KRT2: variants seen among roughly 807,000 people sequenced by gnomAD.
KRT2 encodes the protein keratin 2.
Under a neutral mutation model 48.5 loss-of-function variants are expected in KRT2, and 37 were observed. That is an observed-to-expected ratio of 0.76 (90% confidence interval 0.59 to 1.00). The LOEUF is 1.00. Ranked by LOEUF, KRT2 falls within the 50% of genes least tolerant of loss-of-function variation. The pLI is 0.00. For missense variants in KRT2, 880 were observed against 815.2 expected (o/e 1.08, Z -0.97); for synonymous variants, 324 against 312.2 (o/e 1.04, Z -0.40).
chr12:52,645,295 G>A lies in KRT2; in HGVS notation c.1644C>T (p.Ser548=), dbSNP rs761272880. The part of the protein sequence containing the change: ...SYGSGGRQSG[S]RGGSGGGGSI... ...AACCTCCTCCTCCACTACCGCCTCT[G>A]GAGCCAGACTGTCGGCCTCCAGAGC... Residue 548 remains serine, a synonymous_variant, in exon 9 of 9, where the codon TCC becomes TCT. Transcript: ENST00000309680. The A allele has an allele frequency of 6.2e-7, 1 of 1,614,060 alleles. No homozygotes were observed. Among genetic ancestry groups the A allele is most frequent in the Admixed American group, 1.7e-5 (1 of 60,012 alleles).
rs1941192171 is a variant in KRT2 at position 52,647,886 on chromosome 12, G to T, written c.1123-31C>A. ...ATGGGGAGAAGAGGACAGTTTGCAA[G>T]GAAGTTCCAGCCTGGCTCACATTCC... On this transcript the variant is annotated intron_variant, in intron 5 of 8. Transcript: ENST00000309680. 3.1e-6 allele frequency: 5 copies of T among 1,613,882 alleles called. No homozygotes were observed. In the East Asian group the frequency reaches 1.1e-4, roughly 36 times the overall value.
At position 52,645,442 on chromosome 12, in the gene KRT2, G is replaced by C; in HGVS notation, c.1505-8C>G. On this transcript the variant is annotated splice_region_variant and splice_polypyrimidine_tract_variant and intron_variant, in intron 8 of 8. Transcript: ENST00000309680. Reference sequence around the variant, plus strand: ...TGGTGCTGCTTGTCACAGCTGCAGAGAGAGGTGGTGTTACCACAGAGATTA... The same window carrying C: ...TGGTGCTGCTTGTCACAGCTGCAGACAGAGGTGGTGTTACCACAGAGATTA... 6.2e-7 allele frequency: 1 copy of C among 1,614,180 alleles called. No individual in the cohort carries two copies. Among genetic ancestry groups the C allele is most frequent in the South Asian group, 1.1e-5 (1 of 91,074 alleles).
In KRT2 at chr12:52,651,602, G is replaced by GC. The variant is rs1941248382; in HGVS notation, c.540dup (p.Gln181AlafsTer14). On this transcript the variant is annotated frameshift_variant, in exon 1 of 9. Transcript: ENST00000309680. LOFTEE classifies it high-confidence loss of function. ...AATTTGTTGTTGAGAGTTTTGATCTGCTCACGCTCTTGGGCCTTCACATTC... is the reference window on the plus strand; with the variant it reads ...AATTTGTTGTTGAGAGTTTTGATCTGCCTCACGCTCTTGGGCCTTCACATTC... 6.2e-7 allele frequency: 1 copy of GC among 1,614,034 alleles called. No homozygotes were observed. Among genetic ancestry groups the GC allele is most frequent in the African/African-American group, 1.3e-5 (1 of 74,910 alleles).
At position 52,648,864 on chromosome 12, in the gene KRT2, C is replaced by G. The variant is rs1255249621; in HGVS notation, c.957+143G>C. 1.7e-5 allele frequency: 12 copies of G among 694,910 alleles called. No homozygotes were observed. In the Admixed American group the frequency reaches 1.8e-4, roughly 11 times the overall value. The allele number at this position is 694,910 out of a possible 1,614,324, so 43.0% of individuals were successfully genotyped here. The stretch of plus-strand genomic sequence containing the variant: ...CCCACAAGACCTATGCTATGAAAGC[C>G]CCCCCAGTGGCCTGGAATGATGGCA... On this transcript the variant is annotated intron_variant, in intron 4 of 8. Coordinates refer to ENST00000309680, the MANE Select transcript of KRT2 (RefSeq NM_000423.3).
At chr12:52,648,948 G>A (rs555506813) in intron 4 of KRT2, 59 bp downstream of exon 4, 1 of 1,082,540 alleles carries the variant, frequency 9.2e-7, no homozygotes, top group Non-Finnish European at 1.4e-6. Flanking sequence ...AAGCAGAAAG[G>A]ACTTTCATTT....
At position 52,649,083 on chromosome 12, in the gene KRT2, A is replaced by G; in HGVS notation, c.881T>C (p.Met294Thr). 6.2e-7 allele frequency: 1 copy of G among 1,612,022 alleles called. No individual in the cohort carries two copies. The highest frequency in any genetic ancestry group is 8.5e-7 in the Non-Finnish European group (1 of 1,178,238). ...TLKKDVDNAY[M>T]IKVELQSKVD... ...CTTGGACTGCAACTCCACCTTTATC[A>G]TGTAGGCATTGTCCACGTCCTGCAA... Residue 294 changes from methionine to threonine, a missense_variant, in exon 4 of 9, where the codon ATG becomes ACG. Coordinates refer to ENST00000309680, the MANE Select transcript of KRT2 (RefSeq NM_000423.3).
At chr12:52,647,981 G>T in intron 5 of KRT2, 126 bp from the exon 6 acceptor site, 1 of 1,312,492 alleles carries the variant, frequency 7.6e-7, no homozygotes, top group South Asian at 1.2e-5. Flanking sequence ...TGTCATGGCT[G>T]CATTCATGAG....
At chr12:52,650,996 G>T (rs1941240999) in intron 1 of KRT2, among the ~76,000 whole-genome samples, 1 of 152,148 alleles carries the variant, frequency 6.6e-6, no homozygotes, top group Admixed American at 6.5e-5. Flanking sequence ...GTAAATCCCT[G>T]CCTATTTCAA....
At chr12:52,650,647 G>C in intron 1 of KRT2, 94 bp from the exon 2 acceptor site, 2 of 986,580 alleles carry the variant, frequency 2.0e-6, no homozygotes, top group Non-Finnish European at 3.2e-6. Context: ...GCTGCTTCAG[G>C]ACCTCGAGAA....
chr12:52,648,483 T>C, intron 4 of KRT2, 146 bp from the exon 5 acceptor site: 2 of 782,062 alleles, frequency 2.6e-6, no homozygotes, highest in Non-Finnish European at 4.6e-6. Flanking sequence ...CGTCTACTCC[T>C]GGGCCTCTCC....
At chr12:52,645,465 T>C (rs780497491) in intron 8 of KRT2, 31 bp from the exon 9 acceptor site, 2 of 1,614,110 alleles carry the variant, frequency 1.2e-6, no homozygotes, top group South Asian at 1.1e-5. Flanking sequence ...ACCACAGAGA[T>C]TATGACTGCC....
rs754242954 is a variant in KRT2, at chr12:52,648,354, G to A, written c.958-17C>T. 7.4e-6 allele frequency: 12 copies of A among 1,612,616 alleles called. No individual in the cohort carries two copies. Among genetic ancestry groups the A allele is most frequent in the African/African-American group, 1.3e-5 (1 of 74,840 alleles). On this transcript the variant is annotated splice_polypyrimidine_tract_variant and intron_variant, in intron 4 of 8. Coordinates refer to ENST00000309680, the MANE Select transcript of KRT2 (RefSeq NM_000423.3). ...GGATATCTCCTACAACACACAGGAAGGTCTGGTCATGACATCCTGCCATAG... is the reference window on the plus strand; with the variant it reads ...GGATATCTCCTACAACACACAGGAAAGTCTGGTCATGACATCCTGCCATAG...
intron 1 of KRT2, 141 bp downstream of exon 1, chr12:52,651,417 A>G (rs1315462310): frequency 6.8e-6 from 5 of 732,546 alleles, no homozygotes; most frequent in Middle Eastern, 3.5e-4. Context: ...CGTCTTTTCC[A>G]TCTGGAAACC....
rs897318947 is a variant in KRT2 at position 52,652,084 on chromosome 12, C to A, written c.59G>T (p.Arg20Leu). 1.3e-6 allele frequency: 2 copies of A among 1,595,756 alleles called. No homozygotes were observed. The highest frequency in any genetic ancestry group is 1.7e-5 in the Admixed American group (1 of 59,238). The change falls in exon 1 of 9, where the codon CGG becomes CTG. Residue 20 changes from arginine to leucine, a missense_variant. Transcript: ENST00000309680. ...CACAGCTGAGCCGCTGCTGAAGCCC[C>A]GGAATCCTCCTCCACCTCCTCCTCT... ...RGRGGGGGGF[R>L]GFSSGSAVVS...
chr12:52,645,743 T>C (rs1941155164), intron 7 of KRT2, among the ~76,000 whole-genome samples, 174 bp from the exon 8 acceptor site: 2 of 152,308 alleles, frequency 1.3e-5, no homozygotes, highest in South Asian at 4.1e-4. Flanking sequence ...CAGACCCCCT[T>C]CCATTTATGC....
Position 52,648,301 on chromosome 12 carries a change from T to C in KRT2, c.994A>G (p.Asn332Asp). Residue 332 changes from asparagine to aspartate, a missense_variant, in exon 5 of 9, where the codon AAC (asparagine) becomes GAC (aspartate). By Grantham distance (23) the Asn-to-Asp change is conservative. Coordinates refer to ENST00000309680, the MANE Select transcript of KRT2 (RefSeq NM_000423.3). ...SQIHQSVTDT[N>D]VILSMDNSRN... ...CTGTTGTCCATGGAGAGGATGACGT[T>C]GGTGTCAGTGACACTCTGATGTATC... is the stretch of plus-strand genomic sequence containing the variant. 5 of 1,614,138 alleles carry C rather than the reference T, an allele frequency of 3.1e-6. No individual in the cohort carries two copies. The highest frequency in any genetic ancestry group is 4.2e-6 in the Non-Finnish European group (5 of 1,179,980).
At position 52,646,869 on chromosome 12, in the gene KRT2, T is replaced by TCC; in HGVS notation, c.1338_1339dup (p.Glu447GlyfsTer21). 1 of 1,614,138 alleles carries TCC rather than the reference T, an allele frequency of 6.2e-7. No homozygotes were observed. Among genetic ancestry groups the TCC allele is most frequent in the Non-Finnish European group, 8.5e-7 (1 of 1,179,984 alleles). On this transcript the variant is annotated frameshift_variant, in exon 7 of 9. Transcript: ENST00000309680. LOFTEE classifies it high-confidence loss of function. ...GTCCTCCTTGGCCTGCTGCAGGGCC[T>TCC]CCTCCAGGTCATTCAACTTGTTCCT... is the stretch of plus-strand genomic sequence containing the variant.
intron 2 of KRT2, 66 bp from the exon 3 acceptor site, chr12:52,650,040 T>C (rs1014760467): frequency 1.4e-5 from 17 of 1,202,878 alleles, no homozygotes; most frequent in Middle Eastern, 3.8e-4. Context: ...TTTCCTTTTA[T>C]ACTGGATTCA....
At chr12:52,648,148 C>G in intron 5 of KRT2, 25 bp downstream of exon 5, 1 of 1,613,356 alleles carries the variant, frequency 6.2e-7, no homozygotes, top group Non-Finnish European at 8.5e-7. Context: ...GGAGCTGTGG[C>G]TCTTCCTACA....
Sources: gnomAD v4.1 joint callset for allele counts (sites outside exome capture counted in the v4.1 genomes callset) on GRCh38, gnomAD v4.1.1 for gene constraint, MANE v1.5 for transcripts, NCBI Gene and HGNC (gene_info 2026-07-23, HGNC 2026-07-21) for gene names.